COL13A1: variants seen among roughly 807,000 people sequenced by gnomAD.
COL13A1 encodes the protein collagen alpha-1(XIII) chain.
Under a neutral mutation model 130.9 loss-of-function variants are expected in COL13A1, and 89 were observed. That is an observed-to-expected ratio of 0.68 (90% confidence interval 0.57 to 0.81). The LOEUF is 0.81. COL13A1 is among the 30% of genes least tolerant of loss of function. The pLI is 0.00. For missense variants in COL13A1, 879 were observed against 934.6 expected, an observed-to-expected ratio of 0.94 and a Z score of 0.78; for synonymous variants, 402 against 341.6, an observed-to-expected ratio of 1.18 and a Z score of -1.95.
intron 17 of COL13A1, among the ~76,000 whole-genome samples, chr10:69,915,960 G>T (rs2063874250): frequency 6.6e-6 from 1 of 152,170 alleles, no homozygotes; most frequent in African/African-American, 2.4e-5. Flanking sequence ...CAGGAACCTG[G>T]TCCTTTTCCT....
rs758471843 is a variant in COL13A1, at chr10:69,922,815, G to A, written c.1230+21G>A. 2.0e-6 allele frequency: 3 copies of A among 1,525,830 alleles called. No homozygotes were observed. In the South Asian group the frequency reaches 3.7e-5, roughly 19 times the overall value. The allele number at this position is 1,525,830 out of a possible 1,614,324, so 94.5% of individuals were successfully genotyped here. On this transcript the variant is annotated intron_variant, in intron 23 of 40. Transcript: ENST00000645393. ...CAAAGGTGAGTGTTCCCTGGAATTG[G>A]TGTTGGGGAGGTGCTTACCTGGGGA...
chr10:69,830,449 C>G (rs1848548597), intron 2 of COL13A1, among the ~76,000 whole-genome samples: 1 of 152,184 alleles, frequency 6.6e-6, no homozygotes, highest in African/African-American at 2.4e-5. Flanking sequence ...AATTCCAGGG[C>G]TGGATCTCCT....
At chr10:69,944,225 A>T (rs1429928174) in intron 36 of COL13A1, 47 bp downstream of exon 36, 2 of 1,537,758 alleles carry the variant, frequency 1.3e-6, no homozygotes, top group East Asian at 4.5e-5. Flanking sequence ...AGGGAGAGGC[A>T]TGCCTGGGAC....
intron 38 of COL13A1, among the ~76,000 whole-genome samples, chr10:69,949,566 G>A (rs2069074723): frequency 6.6e-6 from 1 of 152,176 alleles, no homozygotes; most frequent in Non-Finnish European, 1.5e-5. Context: ...TGGTCTCAGA[G>A]CCTCTTTCCT....
At chr10:69,810,879 G>A (rs937564391) in intron 1 of COL13A1, among the ~76,000 whole-genome samples, 34 of 152,232 alleles carry the variant, frequency 2.2e-4, no homozygotes, top group East Asian at 1.9e-3. Context: ...TGTCTGTGGC[G>A]GAAGGGGTGG....
rs55856106 is a variant in COL13A1, at chr10:69,868,119, C to CA, written c.372+334dup. Among the ~76,000 whole-genome samples the CA allele has an allele frequency of 3.9e-3, 499 of 126,926 alleles. 3 individuals carry two copies. The highest frequency in any genetic ancestry group is 0.014 in the African/African-American group (469 of 33,422). 83.3% of individuals were successfully genotyped at this position (126,926 alleles called of 152,430 possible). A position where few individuals can be genotyped will look rare whatever the true frequency, so the allele number is the denominator to read the frequency against. ...TTGTCCCCAAAGAAGCTATTGGAGT[C>CA]AAAAAAAAAAAAAAAAAAAAGCACC... On this transcript the variant is annotated intron_variant, in intron 3 of 40. Transcript: ENST00000645393.
In COL13A1 at chr10:69,869,173, G is replaced by A. The variant is rs2058818935; in HGVS notation, c.372+1368G>A. On this transcript the variant is annotated intron_variant, in intron 3 of 40. Transcript: ENST00000645393. The stretch of plus-strand genomic sequence containing the variant: ...TGAGAGCTTGTGCTGGCCCGACCCA[G>A]GGACTGTTCCCAGACCCCTTTGGGT... 3.3e-5 allele frequency among the ~76,000 whole-genome samples: 5 copies of A among 152,220 alleles called. 1 individual carries two copies. The highest frequency in any genetic ancestry group is 3.3e-4 in the Admixed American group (5 of 15,288).
intron 1 of COL13A1, among the ~76,000 whole-genome samples, chr10:69,807,812 A>C (rs1442100614): frequency 6.6e-6 from 1 of 152,130 alleles, no homozygotes; most frequent in African/African-American, 2.4e-5. Flanking sequence ...TCTCTCCTTC[A>C]CCACACCTTC....
chr10:69,822,488 C>A, intron 2 of COL13A1, 50 bp downstream of exon 2: 2 of 1,403,592 alleles, frequency 1.4e-6, no homozygotes, highest in Non-Finnish European at 1.9e-6. Context: ...AGACTGAGAC[C>A]AGAGGCTCTT....
chr10:69,905,623 A>G (rs2062670316), intron 16 of COL13A1, among the ~76,000 whole-genome samples, 164 bp from the exon 17 acceptor site: 1 of 152,186 alleles, frequency 6.6e-6, no homozygotes, highest in Non-Finnish European at 1.5e-5. Context: ...TCCTCAGAGG[A>G]AGCTAAGAGC....
intron 2 of COL13A1, among the ~76,000 whole-genome samples, chr10:69,862,599 T>A (rs969614884): frequency 3.3e-5 from 5 of 152,206 alleles, no homozygotes; most frequent in Non-Finnish European, 7.3e-5. Flanking sequence ...TTGCTTTTCA[T>A]GGTTTTTAAA....
intron 2 of COL13A1, among the ~76,000 whole-genome samples, chr10:69,823,723 A>G (rs553337839): frequency 1.7e-4 from 26 of 152,324 alleles, no homozygotes; most frequent in African/African-American, 4.8e-4. Context: ...CCGTGAAAAG[A>G]TTCAGCTGGA....
At chr10:69,958,507 C>T (rs1204929545) in intron 40 of COL13A1, among the ~76,000 whole-genome samples, 192 bp from the exon 41 acceptor site, 1 of 152,182 alleles carries the variant, frequency 6.6e-6, no homozygotes, top group Non-Finnish European at 1.5e-5. Flanking sequence ...GAGAGGTGAA[C>T]TTGGTTTCCT....
rs565468633 is a variant in COL13A1 at position 69,897,965 on chromosome 10, C to T, written c.685-732C>T. ...GACTGCAAGTTGCCTCCCGCAAAAA[C>T]GTGGTTGAGCTTTCTGGAGATATCT... On this transcript the variant is annotated intron_variant, in intron 13 of 40. Coordinates refer to ENST00000645393, the MANE Select transcript of COL13A1 (RefSeq NM_001368882.1). Among the ~76,000 whole-genome samples, 8 of 152,254 alleles carry T rather than the reference C, an allele frequency of 5.3e-5. No individual in the cohort carries two copies. The East Asian group carries it at 5.8e-4, about 11-fold the overall frequency.
At chr10:69,819,844 G>A (rs901185875) in intron 1 of COL13A1, among the ~76,000 whole-genome samples, 1 of 152,100 alleles carries the variant, frequency 6.6e-6, no homozygotes. Context: ...CTGCCTTCCT[G>A]CCCCCCACAT....
chr10:69,866,451 G>A lies in COL13A1; in HGVS notation c.365-1347G>A, dbSNP rs12571118. Among the ~76,000 whole-genome samples, 18 of 152,324 alleles carry A rather than the reference G, an allele frequency of 1.2e-4. No individual in the cohort carries two copies. The East Asian group carries it at 3.1e-3, about 26-fold the overall frequency. On this transcript the variant is annotated intron_variant, in intron 2 of 40. Transcript: ENST00000645393. Reference sequence around the variant, plus strand: ...TCTCATGCAGAGGACATCTCCCCCAGCCAGGAGGCACAGATTTCCCAGCTA... The same window carrying A: ...TCTCATGCAGAGGACATCTCCCCCAACCAGGAGGCACAGATTTCCCAGCTA...
rs1840365326 is a variant in COL13A1 at position 69,802,733 on chromosome 10, T to G, written c.294+16T>G. 1 of 1,608,694 alleles carries G rather than the reference T, an allele frequency of 6.2e-7. No homozygotes were observed. On this transcript the variant is annotated intron_variant, in intron 1 of 40. Transcript: ENST00000645393. ...GCTGGACGAGGTCTGTGCTCTTTGT[T>G]GCTGGCTTTTATCCCTCCCCGCGGC...
At chr10:69,812,747 A>G (rs1843387131) in intron 1 of COL13A1, among the ~76,000 whole-genome samples, 1 of 152,254 alleles carries the variant, frequency 6.6e-6, no homozygotes, top group Non-Finnish European at 1.5e-5. Flanking sequence ...AGTAATGGCA[A>G]AAACTGCAAT....
At chr10:69,806,008 C>T (rs1405817891) in intron 1 of COL13A1, among the ~76,000 whole-genome samples, 1 of 152,248 alleles carries the variant, frequency 6.6e-6, no homozygotes, top group Non-Finnish European at 1.5e-5. Flanking sequence ...TGGCCTTAGG[C>T]AAGCCATGCT....
Sources: allele counts gnomAD v4.1 joint callset (sites outside exome capture counted in the v4.1 genomes callset), GRCh38; gene constraint gnomAD v4.1.1; transcripts MANE v1.5; gene names NCBI Gene and HGNC (gene_info 2026-07-23, HGNC 2026-07-21).